The following TLNRD1 variants were observed in gnomAD, a reference collection of about 807,000 sequenced individuals.
The protein encoded by TLNRD1 is talin rod domain-containing protein 1.
TLNRD1 carries 14 observed loss-of-function variants against 19.5 expected under a neutral mutation model. That is an observed-to-expected ratio of 0.72 (90% CI 0.47 to 1.12). TLNRD1 has a LOEUF of 1.12. TLNRD1 is among the 50% of genes most tolerant of loss of function. The probability of loss-of-function intolerance (pLI) is 0.00; values close to 1 mark genes in which losing one functional copy is unlikely to be tolerated. For synonymous variants in TLNRD1, 345 were observed against 261.7 expected (o/e 1.32, Z -3.07); for missense variants, 569 against 531.9 (o/e 1.07, Z -0.69).
rs750896480 is a variant in TLNRD1 at position 81,004,463 on chromosome 15, G to A, written c.*1103G>A. On this transcript the variant is annotated 3_prime_UTR_variant, in exon 1 of 1. Coordinates refer to ENST00000267984, the MANE Select transcript of TLNRD1 (RefSeq NM_022566.3). The stretch of plus-strand genomic sequence containing the variant: ...AGAGTCTCTGGATGGAACTCTAAAA[G>A]TACTGTACATCAAGTGAGAATAGTT... 2 of 166,660 alleles carry A rather than the reference G, an allele frequency of 1.2e-5. No homozygotes were observed. Among genetic ancestry groups the A allele is most frequent in the Non-Finnish European group, 2.9e-5 (2 of 67,948 alleles). 10.3% of individuals were successfully genotyped at this position (166,660 alleles called of 1,614,324 possible). A position where few individuals can be genotyped will look rare whatever the true frequency, so the allele number is the denominator to read the frequency against.
In TLNRD1 at chr15:81,003,089, G is replaced by A. The variant is rs1269588738; in HGVS notation, c.818G>A (p.Arg273His). Residue 273 changes from arginine to histidine, a missense_variant, in exon 1 of 1, where the codon CGC becomes CAC. Arg to His is a conservative substitution (Grantham distance 29). Transcript: ENST00000267984. ...GCCACCGAGCCGCAGTTCCTGGGTC[G>A]CGCGGCAGCTGTGAGCGCCGAGGGC... ...GFATEPQFLG[R>H]AAAVSAEGKA... 3 of 1,552,384 alleles carry A rather than the reference G, an allele frequency of 1.9e-6. No homozygotes were observed. The highest frequency in any genetic ancestry group is 2.6e-6 in the Non-Finnish European group (3 of 1,153,414).
rs368204597 is a variant in TLNRD1, at chr15:81,002,745, C to T, written c.474C>T (p.His158=). ...GCTACCGCGTGACGCGATGCCGCCA[C>T]GAGGTGGAGCAGGGTTGCGCCGTGC... ...VDRYRVTRCR[H]EVEQGCAVLR... The change falls in exon 1 of 1, where the codon CAC becomes CAT. Residue 158 remains histidine (H), a synonymous_variant. Transcript: ENST00000267984. The T allele has an allele frequency of 1.1e-4, 168 of 1,536,360 alleles. No individual in the cohort carries two copies. Among genetic ancestry groups the T allele is most frequent in the Non-Finnish European group, 1.3e-4 (151 of 1,147,220 alleles).
Position 81,002,373 on chromosome 15 carries a change from A to T in TLNRD1, c.102A>T (p.Val34=). ...GASSQPRKRL[V]SVCDHCKGKM... ...GCTCGCAGCCGCGGAAGAGGCTGGT[A>T]TCCGTCTGCGACCACTGCAAGGGCA... The change falls in exon 1 of 1, where the codon GTA becomes GTT. Residue 34 remains valine (V), a synonymous_variant. Transcript: ENST00000267984. 3.3e-6 allele frequency: 5 copies of T among 1,509,326 alleles called. No homozygotes were observed. Among genetic ancestry groups the T allele is most frequent in the Non-Finnish European group, 4.4e-6 (5 of 1,132,566 alleles). The allele number at this position is 1,509,326 out of a possible 1,614,324, so 93.5% of individuals were successfully genotyped here. A position where few individuals can be genotyped will look rare whatever the true frequency, so the allele number is the denominator to read the frequency against.
At position 81,002,128 on chromosome 15, in the gene TLNRD1, C is replaced by T; in HGVS notation, c.-144C>T. The T allele has an allele frequency of 1.0e-6, 1 of 966,352 alleles. No homozygotes were observed. Among genetic ancestry groups the T allele is most frequent in the Non-Finnish European group, 1.3e-6 (1 of 759,162 alleles). The allele number at this position is 966,352 out of a possible 1,614,324, so 59.9% of individuals were successfully genotyped here. On this transcript the variant is annotated 5_prime_UTR_variant, in exon 1 of 1. Transcript: ENST00000267984. ...GCCGCAGCCCAGTGCCCTCTGCCCG[C>T]GGCGGTGGATGGCATGATGGTGCGG...
chr15:81,003,203 A>T lies in TLNRD1; in HGVS notation c.932A>T (p.Gln311Leu), dbSNP rs1216420466. 3 of 1,595,698 alleles carry T rather than the reference A, an allele frequency of 1.9e-6. No homozygotes were observed. The highest frequency in any genetic ancestry group is 2.6e-6 in the Non-Finnish European group (3 of 1,171,628). ...ACCCAGTGCCTCAGGGATCTGGCGC[A>T]GCACCCCGACGGGGGCGCCAAGATG... ...LLTQCLRDLA[Q>L]HPDGGAKMSD... The change falls in exon 1 of 1, where the codon CAG (glutamine) becomes CTG (leucine). Residue 311 changes from glutamine to leucine, a missense_variant. Coordinates refer to ENST00000267984, the MANE Select transcript of TLNRD1 (RefSeq NM_022566.3).
chr15:81,002,480 C>T lies in TLNRD1; in HGVS notation c.209C>T (p.Ala70Val). ...VLFEGPASSG[A>V]GAESFEQCRD... ...TTCGAGGGCCCCGCCTCCTCTGGTG[C>T]CGGCGCCGAGTCCTTCGAGCAGTGC... The change falls in exon 1 of 1, where the codon GCC (alanine) becomes GTC (valine). Residue 70 changes from alanine (A) to valine (V), a missense_variant. Ala to Val is a moderately conservative substitution (Grantham distance 64, BLOSUM62 0). Coordinates refer to ENST00000267984, the MANE Select transcript of TLNRD1 (RefSeq NM_022566.3). The T allele has an allele frequency of 6.0e-6, 9 of 1,501,920 alleles. No individual in the cohort carries two copies. The highest frequency in any genetic ancestry group is 8.0e-6 in the Non-Finnish European group (9 of 1,129,462). The allele number at this position is 1,501,920 out of a possible 1,614,324, so 93.0% of individuals were successfully genotyped here. A position where few individuals can be genotyped will look rare whatever the true frequency, so the allele number is the denominator to read the frequency against.
In TLNRD1 at chr15:81,003,468, C is replaced by T. The variant is rs2141827640; in HGVS notation, c.*108C>T. The T allele has an allele frequency of 1.6e-6, 2 of 1,229,672 alleles. No individual in the cohort carries two copies. Among genetic ancestry groups the T allele is most frequent in the African/African-American group, 1.5e-5 (1 of 65,690 alleles). 76.2% of individuals were successfully genotyped at this position (1,229,672 alleles called of 1,614,324 possible). A position where few individuals can be genotyped will look rare whatever the true frequency, so the allele number is the denominator to read the frequency against. On this transcript the variant is annotated 3_prime_UTR_variant, in exon 1 of 1. Transcript: ENST00000267984. Reference sequence around the variant, plus strand: ...AATCATAGGTGAAACCCCCTACCCTCCCCAACGTTAAATGCTCGAGAGGAA... The same window carrying T: ...AATCATAGGTGAAACCCCCTACCCTTCCCAACGTTAAATGCTCGAGAGGAA...
At position 81,004,100 on chromosome 15, in the gene TLNRD1, G is replaced by A. The variant is rs911846859; in HGVS notation, c.*740G>A. On this transcript the variant is annotated 3_prime_UTR_variant, in exon 1 of 1. Transcript: ENST00000267984. ...GGTCTGTGGGAAGGCTATTTCAATA[G>A]TAGTGAGGCGGGCCCCCAATTCCCA... 1.2e-5 allele frequency: 2 copies of A among 167,014 alleles called. No individual in the cohort carries two copies. Among genetic ancestry groups the A allele is most frequent in the Non-Finnish European group, 2.9e-5 (2 of 68,122 alleles). The allele number at this position is 167,014 out of a possible 1,614,324, so 10.3% of individuals were successfully genotyped here. A position where few individuals can be genotyped will look rare whatever the true frequency, so the allele number is the denominator to read the frequency against.
chr15:81,002,691 C>A lies in TLNRD1; in HGVS notation c.420C>A (p.Ala140=). 1 of 1,476,874 alleles carries A rather than the reference C, an allele frequency of 6.8e-7. No homozygotes were observed. Among genetic ancestry groups the A allele is most frequent in the Non-Finnish European group, 8.9e-7 (1 of 1,125,232 alleles). 91.5% of individuals were successfully genotyped at this position (1,476,874 alleles called of 1,614,324 possible). Reference sequence around the variant, plus strand: ...TGGCCGCTGTGGCCACGCCGGGCGCCCAGCCCGCGCAGCCGGGCCTGGTGG... The same window carrying A: ...TGGCCGCTGTGGCCACGCCGGGCGCACAGCCCGCGCAGCCGGGCCTGGTGG... ...AYLAAVATPG[A]QPAQPGLVDR... Residue 140 remains alanine, a synonymous_variant, in exon 1 of 1, where the codon GCC becomes GCA. Coordinates refer to ENST00000267984, the MANE Select transcript of TLNRD1 (RefSeq NM_022566.3).
chr15:81,004,896 G>C lies in TLNRD1; in HGVS notation c.*1536G>C, dbSNP rs1047698862. On this transcript the variant is annotated 3_prime_UTR_variant, in exon 1 of 1. Coordinates refer to ENST00000267984, the MANE Select transcript of TLNRD1 (RefSeq NM_022566.3). Reference sequence around the variant, plus strand: ...GGGAGAGCCACATGAGTAAAAACTCGTACGTGGTTTAGATTTGTTCCATTT... The same window carrying C: ...GGGAGAGCCACATGAGTAAAAACTCCTACGTGGTTTAGATTTGTTCCATTT... The C allele has an allele frequency of 1.8e-5, 3 of 167,010 alleles. No individual in the cohort carries two copies. Among genetic ancestry groups the C allele is most frequent in the Admixed American group, 1.3e-4 (2 of 15,274 alleles). 10.3% of individuals were successfully genotyped at this position (167,010 alleles called of 1,614,324 possible).
chr15:81,002,196 C>G lies in TLNRD1; in HGVS notation c.-76C>G. ...TGGCCAGCTGAGTCGCGACGGCCGC[C>G]GGGGCGGCGGCAGTGGCCGCGGCAG... On this transcript the variant is annotated 5_prime_UTR_variant, in exon 1 of 1. Coordinates refer to ENST00000267984, the MANE Select transcript of TLNRD1 (RefSeq NM_022566.3). The G allele has an allele frequency of 8.3e-7, 1 of 1,207,658 alleles. No individual in the cohort carries two copies. Among genetic ancestry groups the G allele is most frequent in the East Asian group, 3.4e-5 (1 of 29,360 alleles). 74.8% of individuals were successfully genotyped at this position (1,207,658 alleles called of 1,614,324 possible).
In TLNRD1 at chr15:81,001,707, G is replaced by A. The variant is rs1206948815; in HGVS notation, c.-565G>A. ...GCCTGGTGGGGTCACGGCGCCTGAA[G>A]CCCACGTGCGCCGCCGAGCCCGAGG... is the stretch of plus-strand genomic sequence containing the variant. On this transcript the variant is annotated 5_prime_UTR_variant, in exon 1 of 1. Coordinates refer to ENST00000267984, the MANE Select transcript of TLNRD1 (RefSeq NM_022566.3). The A allele has an allele frequency of 6.6e-6, 1 of 152,026 alleles. No homozygotes were observed. Among genetic ancestry groups the A allele is most frequent in the Admixed American group, 6.5e-5 (1 of 15,276 alleles). 9.4% of individuals were successfully genotyped at this position (152,026 alleles called of 1,614,324 possible). A position where few individuals can be genotyped will look rare whatever the true frequency, so the allele number is the denominator to read the frequency against.
rs1182580682 is a variant in TLNRD1 at position 81,002,219 on chromosome 15, C to A, written c.-53C>A. On this transcript the variant is annotated 5_prime_UTR_variant, in exon 1 of 1. Transcript: ENST00000267984. ...GCCGGGGCGGCGGCAGTGGCCGCGG[C>A]AGCGGCGGTGGTAGCGGGCTCCCCA... is the stretch of plus-strand genomic sequence containing the variant. 2.5e-6 allele frequency: 3 copies of A among 1,220,674 alleles called. No homozygotes were observed. The African/African-American group carries it at 4.7e-5, about 19-fold the overall frequency. 75.6% of individuals were successfully genotyped at this position (1,220,674 alleles called of 1,614,324 possible). A position where few individuals can be genotyped will look rare whatever the true frequency, so the allele number is the denominator to read the frequency against.
rs1312867007 is a variant in TLNRD1, at chr15:81,002,378, T to A, written c.107T>A (p.Val36Asp). 1 of 1,530,730 alleles carries A rather than the reference T, an allele frequency of 6.5e-7. No individual in the cohort carries two copies. Among genetic ancestry groups the A allele is most frequent in the Admixed American group, 1.9e-5 (1 of 52,608 alleles). 94.8% of individuals were successfully genotyped at this position (1,530,730 alleles called of 1,614,324 possible). A position where few individuals can be genotyped will look rare whatever the true frequency, so the allele number is the denominator to read the frequency against. Residue 36 changes from valine to aspartate, a missense_variant, in exon 1 of 1, where the codon GTC becomes GAC. Val to Asp is a radical substitution (Grantham distance 152, BLOSUM62 -3). Transcript: ENST00000267984. ...SSQPRKRLVS[V>D]CDHCKGKMQL... The stretch of plus-strand genomic sequence containing the variant: ...CAGCCGCGGAAGAGGCTGGTATCCG[T>A]CTGCGACCACTGCAAGGGCAAGATG...
Position 81,003,012 on chromosome 15 carries a change from T to C in TLNRD1, c.741T>C (p.Cys247=). Residue 247 remains cysteine, a synonymous_variant, in exon 1 of 1, where the codon TGT becomes TGC. Transcript: ENST00000267984. ...VAPSELARSR[C]ALFSGPLVQA... ...CCAGTGAGCTGGCGCGCAGCCGCTG[T>C]GCGCTCTTCAGCGGGCCCCTGGTGC... The C allele has an allele frequency of 4.5e-6, 7 of 1,562,412 alleles. No homozygotes were observed. The highest frequency in any genetic ancestry group is 6.0e-6 in the Non-Finnish European group (7 of 1,160,922).
At position 81,005,234 on chromosome 15, in the gene TLNRD1, T is replaced by G. The variant is rs1455349703; in HGVS notation, c.*1874T>G. 6.8e-6 allele frequency: 1 copy of G among 147,712 alleles called. No individual in the cohort carries two copies. The highest frequency in any genetic ancestry group is 1.9e-4 in the East Asian group (1 of 5,190). 9.2% of individuals were successfully genotyped at this position (147,712 alleles called of 1,614,324 possible). On this transcript the variant is annotated 3_prime_UTR_variant, in exon 1 of 1. Transcript: ENST00000267984. ...TTTTCTCTGTTAAATCCTGGTAAACTTCGGGTTTTTGAAGACTTTAAAAGA... is the reference window on the plus strand; with the variant it reads ...TTTTCTCTGTTAAATCCTGGTAAACGTCGGGTTTTTGAAGACTTTAAAAGA...
Position 81,001,998 on chromosome 15 carries a change from G to T in TLNRD1, c.-274G>T. 3.9e-6 allele frequency: 1 copy of T among 253,820 alleles called. No homozygotes were observed. The highest frequency in any genetic ancestry group is 7.5e-6 in the Non-Finnish European group (1 of 134,226). The allele number at this position is 253,820 out of a possible 1,614,324, so 15.7% of individuals were successfully genotyped here. ...TGCTCTGCCCCGGTTCATGGTTCCT[G>T]CAAGCCCTCTAGGAGGCCGAAAGCT... On this transcript the variant is annotated 5_prime_UTR_variant, in exon 1 of 1. Coordinates refer to ENST00000267984, the MANE Select transcript of TLNRD1 (RefSeq NM_022566.3).
chr15:81,002,348 G>A lies in TLNRD1; in HGVS notation c.77G>A (p.Ser26Asn), dbSNP rs758357062. ...PAPASAIGGA[S>N]SQPRKRLVSV... Reference sequence around the variant, plus strand: ...CCTGCGAGCGCCATCGGCGGGGCCAGCTCGCAGCCGCGGAAGAGGCTGGTA... The same window carrying A: ...CCTGCGAGCGCCATCGGCGGGGCCAACTCGCAGCCGCGGAAGAGGCTGGTA... Residue 26 changes from serine to asparagine, a missense_variant, in exon 1 of 1, where the codon AGC becomes AAC. Coordinates refer to ENST00000267984, the MANE Select transcript of TLNRD1 (RefSeq NM_022566.3). The A allele has an allele frequency of 2.8e-6, 4 of 1,407,676 alleles. No individual in the cohort carries two copies. Among genetic ancestry groups the A allele is most frequent in the East Asian group, 3.0e-5 (1 of 33,422 alleles). 87.2% of individuals were successfully genotyped at this position (1,407,676 alleles called of 1,614,324 possible). A position where few individuals can be genotyped will look rare whatever the true frequency, so the allele number is the denominator to read the frequency against.
Position 81,002,613 on chromosome 15 carries a change from G to T in TLNRD1, c.342G>T (p.Glu114Asp). ...RFGEAGDSLV[E>D]LGDLVVSLTE... ...GGGAGGCGGGGGACAGCCTGGTGGA[G>T]CTGGGCGACCTGGTGGTGTCGCTGA... The change falls in exon 1 of 1, where the codon GAG becomes GAT. Residue 114 changes from glutamate (E) to aspartate (D), a missense_variant. Coordinates refer to ENST00000267984, the MANE Select transcript of TLNRD1 (RefSeq NM_022566.3). 2.0e-6 allele frequency: 3 copies of T among 1,483,068 alleles called. No homozygotes were observed. The highest frequency in any genetic ancestry group is 2.7e-6 in the Non-Finnish European group (3 of 1,126,376). The allele number at this position is 1,483,068 out of a possible 1,614,324, so 91.9% of individuals were successfully genotyped here. A position where few individuals can be genotyped will look rare whatever the true frequency, so the allele number is the denominator to read the frequency against.
Sources: allele counts gnomAD v4.1 joint callset, GRCh38; gene constraint gnomAD v4.1.1; transcripts MANE v1.5; gene names NCBI Gene and HGNC (gene_info 2026-07-23, HGNC 2026-07-21).